The following BMAL1 variants were observed in gnomAD, a reference collection of about 807,000 sequenced individuals.
BMAL1 encodes the protein basic helix-loop-helix ARNT like 1.
chr11:13,352,406 G>A, the BMAL1 span, among the ~76,000 whole-genome samples: 1 of 152,214 alleles, frequency 6.6e-6, no homozygotes, highest in African/African-American at 2.4e-5. Flanking sequence ...CAGGACATGA[G>A]CAGACACAAC....
the BMAL1 span, among the ~76,000 whole-genome samples, chr11:13,382,065 G>C: frequency 2.0e-5 from 3 of 152,102 alleles, no homozygotes; most frequent in Non-Finnish European, 2.9e-5. Context: ...TTTCAAAACT[G>C]AGCTCCTCGG....
chr11:13,355,991 G>GA, the BMAL1 span, among the ~76,000 whole-genome samples: 1 of 152,312 alleles, frequency 6.6e-6, no homozygotes, highest in African/African-American at 2.4e-5. Flanking sequence ...AGAAGGCGGT[G>GA]AGGGGGATTT....
chr11:13,376,222 A>G, the BMAL1 span, among the ~76,000 whole-genome samples: 1 of 152,184 alleles, frequency 6.6e-6, no homozygotes, highest in Non-Finnish European at 1.5e-5. Context: ...GCTACCTGCT[A>G]GATGAGCAGA....
the BMAL1 span, among the ~76,000 whole-genome samples, chr11:13,386,006 G>A: frequency 6.6e-6 from 1 of 152,186 alleles, no homozygotes; most frequent in South Asian, 2.1e-4. Context: ...TCAAGAGGAG[G>A]CTACAGCTAC....
the BMAL1 span, among the ~76,000 whole-genome samples, chr11:13,350,322 AT>A: frequency 1.3e-5 from 2 of 152,224 alleles, no homozygotes. Context: ...CTCTGTACTC[AT>A]TCCTGGCCCT....
the BMAL1 span, among the ~76,000 whole-genome samples, chr11:13,362,990 C>T: frequency 7.9e-5 from 12 of 151,564 alleles, no homozygotes; most frequent in South Asian, 4.2e-4. Context: ...TTCATTCTTG[C>T]GTATTCATGA....
chr11:13,277,717 G>A, the BMAL1 span: 2 of 116,192 alleles, frequency 1.7e-5, no homozygotes, highest in East Asian at 5.0e-4. Flanking sequence ...GGGAAGGGGG[G>A]TTGGGCACAG....
At chr11:13,314,941 A>C in the BMAL1 span, among the ~76,000 whole-genome samples, 1 of 152,164 alleles carries the variant, frequency 6.6e-6, no homozygotes, top group African/African-American at 2.4e-5. Flanking sequence ...AGCTAGCACA[A>C]TGCACCTAGC....
At chr11:13,340,885 C>A in the BMAL1 span, among the ~76,000 whole-genome samples, 1 of 152,204 alleles carries the variant, frequency 6.6e-6, no homozygotes, top group Non-Finnish European at 1.5e-5. Flanking sequence ...TTCTATTCAA[C>A]TCATGTGGTC....
chr11:13,354,572 A>C, the BMAL1 span: 1 of 1,346,532 alleles, frequency 7.4e-7, no homozygotes. Context: ...ACCCAACTCT[A>C]GGTGGCGACA....
the BMAL1 span, among the ~76,000 whole-genome samples, chr11:13,324,653 C>T: frequency 1.3e-5 from 2 of 152,182 alleles, no homozygotes; most frequent in Admixed American, 6.5e-5. Flanking sequence ...GTTTGTCTTA[C>T]CCCACAAGAA....
At chr11:13,363,811 T>C in the BMAL1 span, among the ~76,000 whole-genome samples, 8 of 152,160 alleles carry the variant, frequency 5.3e-5, no homozygotes, top group Non-Finnish European at 1.2e-4. Context: ...CCCCTGTGGC[T>C]CTGTGGTGCT....
chr11:13,351,334 C>T, the BMAL1 span, among the ~76,000 whole-genome samples: 1 of 152,160 alleles, frequency 6.6e-6, no homozygotes, highest in African/African-American at 2.4e-5. Flanking sequence ...GGTTTGGGGC[C>T]TGGCAACCAG....
the BMAL1 span, among the ~76,000 whole-genome samples, chr11:13,361,392 C>T: frequency 6.6e-6 from 1 of 151,254 alleles, no homozygotes; most frequent in African/African-American, 2.4e-5. Flanking sequence ...AATAGAAAAA[C>T]GTAACTAAAA....
chr11:13,385,302 A>G, the BMAL1 span, among the ~76,000 whole-genome samples: 1 of 152,122 alleles, frequency 6.6e-6, no homozygotes, highest in Admixed American at 6.5e-5. Context: ...TGTTAACTCC[A>G]CTTTTTCTTC....
chr11:13,365,692 C>A, the BMAL1 span: 2 of 896,880 alleles, frequency 2.2e-6, no homozygotes, highest in Non-Finnish European at 3.4e-6. Context: ...CACATGTGAA[C>A]TTCTTCCAGA....
At chr11:13,330,304 T>C in the BMAL1 span, among the ~76,000 whole-genome samples, 3 of 152,180 alleles carry the variant, frequency 2.0e-5, no homozygotes, top group Non-Finnish European at 4.4e-5. Flanking sequence ...TGTGGGTGTT[T>C]ACAGTGCACT....
At chr11:13,377,436 A>G in the BMAL1 span, among the ~76,000 whole-genome samples, 1 of 152,068 alleles carries the variant, frequency 6.6e-6, no homozygotes, top group African/African-American at 2.4e-5. Context: ...CGGAGTCCTG[A>G]ACCTTCTATC....
At chr11:13,355,030 T>TAA in the BMAL1 span, 4 of 438,126 alleles carry the variant, frequency 9.1e-6, no homozygotes, top group Admixed American at 1.4e-4. Flanking sequence ...TTTTCACACT[T>TAA]ACAGTCATCC....
Sources: gnomAD v4.1 joint callset for allele counts (sites outside exome capture counted in the v4.1 genomes callset) on GRCh38, gnomAD v4.1.1 for gene constraint, MANE v1.5 for transcripts, NCBI Gene and HGNC (gene_info 2026-07-23, HGNC 2026-07-21) for gene names.